OPCML: variants seen among roughly 807,000 people sequenced by gnomAD.
OPCML encodes opioid binding protein/cell adhesion molecule like, also known as opioid-binding protein/cell adhesion molecule.
In OPCML, 13 loss-of-function variants were observed where a neutral mutation model predicts 37.8. That is an observed-to-expected ratio of 0.34 (90% CI 0.22 to 0.55). OPCML has a LOEUF of 0.55. Among genes scored for constraint, OPCML ranks in the 20% least tolerant of loss-of-function variants. The probability of loss-of-function intolerance (pLI) is 0.91; values close to 1 mark genes in which losing one functional copy is unlikely to be tolerated. For missense variants in OPCML, 341 were observed against 435.6 expected (o/e 0.78, Z 1.93); for synonymous variants, 176 against 168.8 (o/e 1.04, Z -0.33).
At chr11:133,499,523 G>C (rs1270131840) in intron 1 of OPCML, among the ~76,000 whole-genome samples, 1 of 151,828 alleles carries the variant, frequency 6.6e-6, no homozygotes, top group East Asian at 2.0e-4. Context: ...ACCTTTCCTT[G>C]GTCCCAAGGG....
chr11:132,900,433 G>A (rs538185081), intron 2 of OPCML, among the ~76,000 whole-genome samples: 1 of 151,982 alleles, frequency 6.6e-6, no homozygotes, highest in Non-Finnish European at 1.5e-5. Context: ...CTCAACTCTC[G>A]CCTTGCATCC....
In OPCML at chr11:132,848,703, T is replaced by C. The variant is rs866826864; in HGVS notation, c.146+94223A>G. 2.6e-5 allele frequency among the ~76,000 whole-genome samples: 4 copies of C among 152,224 alleles called. No individual in the cohort carries two copies. In the South Asian group the frequency reaches 8.3e-4, roughly 32 times the overall value. Reference sequence around the variant, plus strand: ...CCTTTCCTGATTCAAAGTAATAAGATAGTCCATAAAATATAAGGAGAGACC... The same window carrying C: ...CCTTTCCTGATTCAAAGTAATAAGACAGTCCATAAAATATAAGGAGAGACC... On this transcript the variant is annotated intron_variant, in intron 2 of 7. Coordinates refer to ENST00000524381, the MANE Select transcript of OPCML (RefSeq NM_001012393.5).
chr11:133,247,032 A>G (rs1486826530), intron 1 of OPCML, among the ~76,000 whole-genome samples: 1 of 152,200 alleles, frequency 6.6e-6, no homozygotes, highest in Admixed American at 6.5e-5. Flanking sequence ...TAGAGGGAGA[A>G]GATGAGATCA....
intron 3 of OPCML, among the ~76,000 whole-genome samples, chr11:132,555,924 C>T (rs982134984): frequency 6.6e-5 from 10 of 151,910 alleles, no homozygotes; most frequent in Non-Finnish European, 1.3e-4. Flanking sequence ...CAAAACGTTT[C>T]TTGTTTCAAT....
intron 1 of OPCML, among the ~76,000 whole-genome samples, chr11:133,034,409 G>A (rs78097964): frequency 0.1 from 15,739 of 151,798 alleles, 1,286 homozygotes; most frequent in East Asian, 0.3. Context: ...TGAAAAGCCA[G>A]TTGCCTGTTA....
chr11:133,458,215 T>C (rs1430941466), intron 1 of OPCML, among the ~76,000 whole-genome samples: 11 of 131,264 alleles, frequency 8.4e-5, no homozygotes, highest in Non-Finnish European at 1.4e-4. Flanking sequence ...TGTGTATATA[T>C]ACACATATAT....
intron 1 of OPCML, among the ~76,000 whole-genome samples, chr11:132,964,645 C>T (rs1341862336): frequency 6.6e-6 from 1 of 152,160 alleles, no homozygotes; most frequent in Non-Finnish European, 1.5e-5. Flanking sequence ...CTTCCTCCTG[C>T]CCAGTCGCTA....
At chr11:133,194,006 G>A (rs115003925) in intron 1 of OPCML, among the ~76,000 whole-genome samples, 25 of 152,206 alleles carry the variant, frequency 1.6e-4, no homozygotes, top group African/African-American at 4.3e-4. Context: ...TTAAGTTACT[G>A]GATTCAGCAA....
intron 1 of OPCML, among the ~76,000 whole-genome samples, chr11:133,209,485 T>C (rs1939260222): frequency 6.6e-6 from 1 of 152,230 alleles, no homozygotes; most frequent in Non-Finnish European, 1.5e-5. Flanking sequence ...GGGCAAATAC[T>C]ACCCATTTGA....
intron 4 of OPCML, among the ~76,000 whole-genome samples, chr11:132,441,202 C>T (rs2096033144): frequency 1.4e-5 from 1 of 73,242 alleles, no homozygotes; most frequent in Admixed American, 1.6e-4. Context: ...GAGTTTCGCT[C>T]TGTCGCCCAG....
At chr11:132,908,461 G>C (rs185073429) in intron 2 of OPCML, among the ~76,000 whole-genome samples, 11 of 152,284 alleles carry the variant, frequency 7.2e-5, no homozygotes, top group Admixed American at 6.5e-4. Context: ...GAAAAACCTA[G>C]TGTATATGAA....
At chr11:133,127,991 G>C (rs535841022) in intron 1 of OPCML, among the ~76,000 whole-genome samples, 1 of 152,074 alleles carries the variant, frequency 6.6e-6, no homozygotes, top group East Asian at 1.9e-4. Flanking sequence ...CTGGTCCTGC[G>C]GTTCAGGCAC....
chr11:133,502,304 A>C (rs566021030), intron 1 of OPCML, among the ~76,000 whole-genome samples: 1 of 152,166 alleles, frequency 6.6e-6, no homozygotes, highest in Admixed American at 6.5e-5. Flanking sequence ...TCCTGCCCCC[A>C]CCCTGCAAAA....
intron 3 of OPCML, among the ~76,000 whole-genome samples, chr11:132,596,347 T>G: frequency 6.6e-6 from 1 of 152,196 alleles, no homozygotes; most frequent in Non-Finnish European, 1.5e-5. Flanking sequence ...TGTGTCTCCC[T>G]CCTTTCTTCT....
chr11:133,092,212 C>T (rs1423576345), intron 1 of OPCML, among the ~76,000 whole-genome samples: 4 of 152,180 alleles, frequency 2.6e-5, no homozygotes, highest in African/African-American at 9.6e-5. Flanking sequence ...ACCAACCTCT[C>T]GGCACCTTGT....
chr11:133,452,541 A>T (rs1946600539), intron 1 of OPCML, among the ~76,000 whole-genome samples: 1 of 151,518 alleles, frequency 6.6e-6, no homozygotes, highest in Non-Finnish European at 1.5e-5. Flanking sequence ...GGCCAGGTGC[A>T]GTGGCTCACA....
At chr11:132,653,192 T>A (rs1941519905) in intron 3 of OPCML, among the ~76,000 whole-genome samples, 1 of 152,158 alleles carries the variant, frequency 6.6e-6, no homozygotes, top group African/African-American at 2.4e-5. Flanking sequence ...ATCTCCCCAA[T>A]CACTAGCATT....
At chr11:133,220,818 G>GC (rs1285479544) in intron 1 of OPCML, among the ~76,000 whole-genome samples, 2 of 151,880 alleles carry the variant, frequency 1.3e-5, no homozygotes, top group Admixed American at 6.6e-5. Context: ...ATGCTTAACA[G>GC]CCCCCCGATC....
intron 1 of OPCML, among the ~76,000 whole-genome samples, chr11:133,528,407 T>C (rs550148911): frequency 6.6e-6 from 1 of 152,358 alleles, no homozygotes; most frequent in Admixed American, 6.5e-5. Context: ...TCCTATCTCT[T>C]TCTTAGTGAG....
Sources: allele counts gnomAD v4.1 joint callset (sites outside exome capture counted in the v4.1 genomes callset), GRCh38; gene constraint gnomAD v4.1.1; transcripts MANE v1.5; gene names NCBI Gene and HGNC (gene_info 2026-07-23, HGNC 2026-07-21).